The following ARHGAP32 variants were observed in gnomAD, a reference collection of about 807,000 sequenced individuals.
ARHGAP32 encodes rho GTPase-activating protein 32.
A neutral mutation model predicts 186.5 loss-of-function variants in ARHGAP32; 51 were observed. The ratio of observed to expected loss-of-function variants is 0.27; its 90% CI spans 0.22 to 0.35. The LOEUF is 0.35. Among genes scored for constraint, ARHGAP32 ranks in the 10% least tolerant of loss-of-function variants. The probability of loss-of-function intolerance (pLI) is 1.00; values close to 1 mark genes in which losing one functional copy is unlikely to be tolerated. For synonymous variants in ARHGAP32, 950 were observed against 964.3 expected (o/e 0.99, Z 0.27); for missense variants, 2,186 against 2,623.5 (o/e 0.83, Z 3.64).
chr11:129,052,142 A>G (rs1940077359), intron 10 of ARHGAP32, among the ~76,000 whole-genome samples: 1 of 152,168 alleles, frequency 6.6e-6, no homozygotes, highest in South Asian at 2.1e-4. Flanking sequence ...TGGATATCCA[A>G]GTGTTCCACT....
chr11:129,135,643 T>TA (rs1942920117), intron 2 of ARHGAP32, among the ~76,000 whole-genome samples: 1 of 152,212 alleles, frequency 6.6e-6, no homozygotes, highest in Admixed American at 6.5e-5. Flanking sequence ...GGCAGGTGCC[T>TA]GTAGTCCCAG....
chr11:129,250,045 T>C (rs897545997), intron 1 of ARHGAP32, among the ~76,000 whole-genome samples: 5 of 149,808 alleles, frequency 3.3e-5, no homozygotes, highest in African/African-American at 1.2e-4. Context: ...GAGATCTCAT[T>C]TCTACAAAAA....
At chr11:129,083,108 T>C (rs752883963) in intron 6 of ARHGAP32, among the ~76,000 whole-genome samples, 2 of 152,108 alleles carry the variant, frequency 1.3e-5, no homozygotes, top group Non-Finnish European at 2.9e-5. Context: ...CATGTTGGCA[T>C]TGATGTGGTA....
chr11:129,090,769 T>C (rs1202619618), intron 6 of ARHGAP32, among the ~76,000 whole-genome samples: 1 of 152,162 alleles, frequency 6.6e-6, no homozygotes, highest in Non-Finnish European at 1.5e-5. Flanking sequence ...ACACTGATGT[T>C]AAACTCACAA....
rs752941537 is a variant in ARHGAP32, at chr11:128,969,211, T to C, written c.6002A>G (p.His2001Arg). Residue 2001 changes from histidine (H) to arginine (R), a missense_variant, in exon 23 of 23, where the codon CAT becomes CGT. Coordinates refer to ENST00000682385, the MANE Select transcript of ARHGAP32 (RefSeq NM_001378024.1). This position sits in a 1 kb window ranked among gnomAD's most constrained non-coding sequence, Gnocchi z 4.8. ...IVPPPKPERS[H>R]SLKLHHTQNV... The stretch of plus-strand genomic sequence containing the variant: ...CTGGGTATGATGGAGTTTGAGGCTA[T>C]GACTCCTCTCTGGTTTAGGGGGTGG... 2 of 1,614,086 alleles carry C rather than the reference T, an allele frequency of 1.2e-6. No homozygotes were observed. The highest frequency in any genetic ancestry group is 1.1e-5 in the South Asian group (1 of 91,036).
intron 1 of ARHGAP32, among the ~76,000 whole-genome samples, chr11:129,170,887 CT>C (rs1232816068): frequency 6.6e-6 from 1 of 152,138 alleles, no homozygotes; most frequent in African/African-American, 2.4e-5. Context: ...TGGTGTCTCA[CT>C]GTGGTTTTGA....
chr11:129,222,832 G>T (rs1944730167), intron 1 of ARHGAP32, among the ~76,000 whole-genome samples: 1 of 152,162 alleles, frequency 6.6e-6, no homozygotes, highest in African/African-American at 2.4e-5. Context: ...TTACTAAAAT[G>T]CAGATTCTGA....
At chr11:129,105,344 C>T (rs189202227) in intron 5 of ARHGAP32, among the ~76,000 whole-genome samples, 11 of 152,264 alleles carry the variant, frequency 7.2e-5, no homozygotes, top group Admixed American at 5.2e-4. Context: ...TAGGTTTTCA[C>T]CTCCAGCTGA....
chr11:129,219,467 T>C (rs969943479), intron 1 of ARHGAP32, among the ~76,000 whole-genome samples: 1 of 152,072 alleles, frequency 6.6e-6, no homozygotes, highest in Non-Finnish European at 1.5e-5. Context: ...AACGAGAAAA[T>C]TTAAACTAAT....
chr11:129,264,017 AAT>A (rs919172441), intron 1 of ARHGAP32, among the ~76,000 whole-genome samples: 1 of 152,232 alleles, frequency 6.6e-6, no homozygotes, highest in Non-Finnish European at 1.5e-5. Context: ...ATGGATAAGC[AAT>A]ATGTGGTATG....
At chr11:129,037,324 T>C (rs145680335) in intron 11 of ARHGAP32, among the ~76,000 whole-genome samples, 3 of 150,516 alleles carry the variant, frequency 2.0e-5, no homozygotes, top group Non-Finnish European at 2.9e-5. Flanking sequence ...CAGTGAGACA[T>C]TGCTACAAAA....
chr11:128,982,783 G>A lies in ARHGAP32; in HGVS notation c.1527-847C>T, dbSNP rs557016832. On this transcript the variant is annotated intron_variant, in intron 15 of 22. Coordinates refer to ENST00000682385, the MANE Select transcript of ARHGAP32 (RefSeq NM_001378024.1). ...TGCATGCCTGTAGTGCCAGCTACTC[G>A]GGAGGCTGAGGCAGGAGGATTGCTT... 1.4e-4 allele frequency among the ~76,000 whole-genome samples: 21 copies of A among 151,472 alleles called. 1 individual carries two copies. The highest frequency in any genetic ancestry group is 6.3e-4 in the South Asian group (3 of 4,766).
intron 10 of ARHGAP32, among the ~76,000 whole-genome samples, chr11:129,057,756 C>T (rs1299484466): frequency 2.7e-5 from 4 of 150,102 alleles, no homozygotes; most frequent in East Asian, 2.0e-4. Flanking sequence ...GTCAAACACA[C>T]GTTGTTCATG....
At chr11:129,138,325 C>T (rs540978545) in intron 2 of ARHGAP32, among the ~76,000 whole-genome samples, 1 of 148,530 alleles carries the variant, frequency 6.7e-6, no homozygotes, top group South Asian at 2.1e-4. Context: ...AGAACAATGC[C>T]GTCTTAAAAA....
At chr11:129,029,874 G>T (rs141784983) in intron 11 of ARHGAP32, among the ~76,000 whole-genome samples, 2 of 145,108 alleles carry the variant, frequency 1.4e-5, no homozygotes, top group Non-Finnish European at 3.0e-5. Context: ...TCCCTAGCAA[G>T]CTCACAGGGT....
chr11:129,260,167 A>G lies in ARHGAP32; in HGVS notation c.-5+18979T>C, dbSNP rs188306141. 1.5e-3 allele frequency among the ~76,000 whole-genome samples: 228 copies of G among 152,346 alleles called. 2 individuals carry two copies. Among genetic ancestry groups the G allele is most frequent in the Admixed American group, 5.0e-3 (77 of 15,296 alleles). ...GAGCATTACACAACTGAAGAGCCAT[A>G]GTATTTCATTTACACTTCAACCATA... On this transcript the variant is annotated intron_variant, in intron 1 of 6. Transcript: ENST00000525234.
intron 2 of ARHGAP32, among the ~76,000 whole-genome samples, chr11:129,145,657 A>C (rs1943153721): frequency 6.6e-6 from 1 of 152,160 alleles, no homozygotes; most frequent in Admixed American, 6.5e-5. Context: ...TTAATGATTA[A>C]CAATAGTCAC....
intron 1 of ARHGAP32, among the ~76,000 whole-genome samples, chr11:129,190,883 T>C (rs977628400): frequency 1.3e-5 from 2 of 152,160 alleles, no homozygotes; most frequent in Admixed American, 1.3e-4. Context: ...AAAGGCTAGA[T>C]AAAATTATGG....
chr11:129,089,039 T>A (rs985969714), intron 6 of ARHGAP32, among the ~76,000 whole-genome samples: 9 of 148,120 alleles, frequency 6.1e-5, no homozygotes, highest in African/African-American at 1.7e-4. Flanking sequence ...TACTACCAAT[T>A]ACTACCAACT....
Sources: allele counts gnomAD v4.1 joint callset (sites outside exome capture counted in the v4.1 genomes callset), GRCh38; gene constraint gnomAD v4.1.1; non-coding constraint Gnocchi (gnomAD v3.1); transcripts MANE v1.5; gene names NCBI Gene and HGNC (gene_info 2026-07-23, HGNC 2026-07-21).